The following ADGRG1 variants were observed in gnomAD, a reference collection of about 807,000 sequenced individuals.
The protein encoded by ADGRG1 is 7-transmembrane protein with no EGF-like N-terminal domains-1.
A neutral mutation model predicts 73.5 loss-of-function variants in ADGRG1; 53 were observed. That is an observed-to-expected ratio of 0.72 (90% CI 0.58 to 0.91). The LOEUF (loss-of-function observed/expected upper bound fraction) is 0.91. ADGRG1 is among the 40% of genes least tolerant of loss of function. The pLI is 0.00. For synonymous variants in ADGRG1, 394 were observed against 374.4 expected (o/e 1.05, Z -0.60); for missense variants, 795 against 871.8 (o/e 0.91, Z 1.11).
chr16:57,640,966 G>A (rs1370197679), intron 1 of ADGRG1: 2 of 985,352 alleles, frequency 2.0e-6, no homozygotes, highest in Non-Finnish European at 2.4e-6. Context: ...ACCTCAGCCA[G>A]ACAACTGAGG....
Position 57,654,032 on chromosome 16 carries a change from G to A in ADGRG1, c.667G>A (p.Gly223Arg). 6.2e-7 allele frequency: 1 copy of A among 1,614,126 alleles called. No homozygotes were observed. The highest frequency in any genetic ancestry group is 8.5e-7 in the Non-Finnish European group (1 of 1,180,026). The change falls in exon 5 of 14, where the codon GGG becomes AGG. Residue 223 changes from glycine (G) to arginine (R), a missense_variant. Gly to Arg is a moderately radical substitution (Grantham distance 125). Transcript: ENST00000562631. ...GAAACTGACCTCTGTGAGATTCATGGGGGACATGGTGTCCTTCGAGGAGGA... is the reference window on the plus strand; with the variant it reads ...GAAACTGACCTCTGTGAGATTCATGAGGGACATGGTGTCCTTCGAGGAGGA... ...ESKLTSVRFM[G>R]DMVSFEEDRI...
At chr16:57,640,476 G>A (rs1181823082) in intron 1 of ADGRG1, among the ~76,000 whole-genome samples, 1 of 152,242 alleles carries the variant, frequency 6.6e-6, no homozygotes, top group Non-Finnish European at 1.5e-5. Context: ...GTGAACATGT[G>A]TAAAAAGCTC....
At chr16:57,657,038 A>AC (rs1207682672) in intron 9 of ADGRG1, among the ~76,000 whole-genome samples, 1 of 152,100 alleles carries the variant, frequency 6.6e-6, no homozygotes, top group African/African-American at 2.4e-5. Flanking sequence ...GGGCTTGAAC[A>AC]CCCCTGGGTG....
chr16:57,637,242 GC>G (rs1465312555), intron 1 of ADGRG1: 2 of 870,156 alleles, frequency 2.3e-6, no homozygotes, highest in Non-Finnish European at 2.8e-6. Context: ...TTCAGTCCCC[GC>G]CCCGACCCTG....
At chr16:57,631,778 G>C in intron 1 of ADGRG1, 1 of 985,598 alleles carries the variant, frequency 1.0e-6, no homozygotes, top group Non-Finnish European at 1.2e-6. Context: ...CCTTTCTCCT[G>C]AGCCGTCACT....
At chr16:57,659,347 G>A in intron 10 of ADGRG1, 66 bp from the exon 11 acceptor site, 1 of 1,610,408 alleles carries the variant, frequency 6.2e-7, no homozygotes. Flanking sequence ...CTTCCTGGAG[G>A]AGATGTGGGC....
intron 9 of ADGRG1, among the ~76,000 whole-genome samples, chr16:57,657,011 C>T (rs752432762): frequency 1.9e-4 from 29 of 152,326 alleles, no homozygotes; most frequent in Non-Finnish European, 1.0e-4. Flanking sequence ...AGGATTCTGC[C>T]TGTGGGTATC....
At chr16:57,634,065 G>C in intron 1 of ADGRG1, 1 of 985,400 alleles carries the variant, frequency 1.0e-6, no homozygotes, top group African/African-American at 1.7e-5. Flanking sequence ...CATGGCCCTA[G>C]CCCTGGAGAG....
chr16:57,644,706 ACACACTGATCACACGCACT>A (rs1245180610), intron 1 of ADGRG1, among the ~76,000 whole-genome samples: 2,028 of 62,928 alleles, frequency 0.032, 19 homozygotes, highest in Non-Finnish European at 0.047. Flanking sequence ...ATGCACGGGC[ACACACTGATCACACGCACT>A]GGCACACACT....
At chr16:57,659,766 C>T (rs1194652159) in intron 11 of ADGRG1, 85 bp downstream of exon 11, 2 of 1,437,178 alleles carry the variant, frequency 1.4e-6, no homozygotes, top group African/African-American at 1.4e-5. Context: ...TGCCTCTCCA[C>T]CTATCTCTCT....
At chr16:57,658,626 C>T (rs1452458042) in intron 10 of ADGRG1, among the ~76,000 whole-genome samples, 1 of 152,190 alleles carries the variant, frequency 6.6e-6, no homozygotes, top group African/African-American at 2.4e-5. Flanking sequence ...ATGAGATGGG[C>T]TCGGCGGAAG....
chr16:57,656,063 A>C, intron 7 of ADGRG1, 71 bp downstream of exon 7: 1 of 1,613,570 alleles, frequency 6.2e-7, no homozygotes, highest in East Asian at 2.2e-5. Flanking sequence ...CCCTCCCTCC[A>C]GACTCATTTG....
At chr16:57,643,896 G>C in intron 1 of ADGRG1, 5 of 974,654 alleles carry the variant, frequency 5.1e-6, no homozygotes, top group Non-Finnish European at 6.1e-6. Flanking sequence ...GCTGAGGGGT[G>C]GGGGGACTGG....
upstream of ADGRG1, chr16:57,627,698 C>A: frequency 1.5e-6 from 1 of 676,268 alleles, no homozygotes; most frequent in Non-Finnish European, 1.8e-6. Flanking sequence ...CCTCCCAGCA[C>A]ATCTGACTGA....
upstream of ADGRG1, chr16:57,622,747 C>T: frequency 5.1e-6 from 5 of 984,916 alleles, no homozygotes; most frequent in Non-Finnish European, 6.0e-6. Context: ...AAAGGTCAGA[C>T]ATTCCGTCAT....
chr16:57,623,078 G>A, upstream of ADGRG1: 1 of 984,026 alleles, frequency 1.0e-6, no homozygotes, highest in Non-Finnish European at 1.2e-6. Flanking sequence ...AATCCTGTGT[G>A]ACCTGAGTCA....
intron 1 of ADGRG1, chr16:57,634,929 A>C (rs2038978797): frequency 1.0e-6 from 1 of 984,240 alleles, no homozygotes; most frequent in Non-Finnish European, 1.2e-6. Context: ...GCTGTCTGGC[A>C]AGGTTCTTCC....
upstream of ADGRG1, chr16:57,624,861 C>T (rs557653382): frequency 1.2e-4 from 25 of 206,584 alleles, no homozygotes; most frequent in Non-Finnish European, 2.0e-4. Flanking sequence ...TTGGGGTGCC[C>T]ATTGTCTGCC....
rs1225329125 is a variant in ADGRG1, at chr16:57,621,707, C to G, written c.-154+312C>G. On this transcript the variant is annotated intron_variant, in intron 2 of 4. Transcript: ENST00000561833. ...TTGGCACAGGAGCGACGATGCCTCA[C>G]TGCCTGACCAGAGGCACCTGACACC... 34 of 216,848 alleles carry G rather than the reference C, an allele frequency of 1.6e-4. 1 individual carries two copies. The Admixed American group carries it at 2.2e-3, about 14-fold the overall frequency. 13.4% of individuals were successfully genotyped at this position (216,848 alleles called of 1,614,324 possible). A position where few individuals can be genotyped will look rare whatever the true frequency, so the allele number is the denominator to read the frequency against.
Sources: gnomAD v4.1 joint callset for allele counts (sites outside exome capture counted in the v4.1 genomes callset) on GRCh38, gnomAD v4.1.1 for gene constraint, MANE v1.5 for transcripts, NCBI Gene and HGNC (gene_info 2026-07-23, HGNC 2026-07-21) for gene names.